Variants in WIPF3 observed in about 807,000 individuals in gnomAD.
WIPF3 encodes the protein WAS/WASL interacting protein family member 3.
A neutral mutation model predicts 38.9 loss-of-function variants in WIPF3; 33 were observed. The ratio of observed to expected loss-of-function variants is 0.85; its 90% CI spans 0.64 to 1.14. The LOEUF (loss-of-function observed/expected upper bound fraction) is 1.14. Among genes scored for constraint, WIPF3 ranks in the 50% most tolerant of loss-of-function variants. The pLI is 0.00. For synonymous variants in WIPF3, 324 were observed against 269.3 expected, an observed-to-expected ratio of 1.20 and a Z score of -1.99; for missense variants, 711 against 652.5, an observed-to-expected ratio of 1.09 and a Z score of -0.98.
chr7:29,899,361 T>C (rs1431220900), intron 7 of WIPF3, among the ~76,000 whole-genome samples: 2 of 152,252 alleles, frequency 1.3e-5, no homozygotes, highest in African/African-American at 4.8e-5. Context: ...CTTTTTATTC[T>C]CTTTACACTG....
At position 29,892,143 on chromosome 7, in the gene WIPF3, G is replaced by T. The variant is rs139353103; in HGVS notation, c.1351+2736G>T. Among the ~76,000 whole-genome samples the T allele has an allele frequency of 1.2e-4, 18 of 152,318 alleles. No homozygotes were observed. In the East Asian group the frequency reaches 3.5e-3, roughly 29 times the overall value. On this transcript the variant is annotated intron_variant, in intron 7 of 8. Coordinates refer to ENST00000242140, the MANE Select transcript of WIPF3 (RefSeq NM_001080529.3). ...AGGACACAGCTTAGGTTCCCCAACA[G>T]CAGGCCTCCTAATACTGCCCCAGAA...
At chr7:29,863,672 C>T (rs1329341968) in intron 2 of WIPF3, among the ~76,000 whole-genome samples, 1 of 152,204 alleles carries the variant, frequency 6.6e-6, no homozygotes, top group Non-Finnish European at 1.5e-5. Context: ...GAACTGACAT[C>T]TTTCCTATGT....
chr7:29,909,738 A>T (rs1445130089), intron 8 of WIPF3, among the ~76,000 whole-genome samples: 1 of 152,032 alleles, frequency 6.6e-6, no homozygotes, highest in African/African-American at 2.4e-5. Flanking sequence ...CTACAAAAAA[A>T]TTTTTAAATT....
intron 6 of WIPF3, 74 bp from the exon 7 acceptor site, chr7:29,889,232 G>T: frequency 1.6e-6 from 2 of 1,260,660 alleles, no homozygotes; most frequent in South Asian, 1.3e-5. Context: ...AGTAATCTCT[G>T]TGCTCCTGGA....
chr7:29,877,965 A>AT (rs970911721), intron 3 of WIPF3, among the ~76,000 whole-genome samples: 1 of 152,212 alleles, frequency 6.6e-6, no homozygotes, highest in African/African-American at 2.4e-5. Context: ...TTTTGCTATG[A>AT]TGTGCGTGAT....
chr7:29,840,632 A>G (rs58744682), intron 2 of WIPF3, among the ~76,000 whole-genome samples: 3,877 of 152,294 alleles, frequency 0.025, 142 homozygotes, highest in African/African-American at 0.08. Context: ...GACTCTAAAC[A>G]TCTATGTTGT....
chr7:29,868,794 T>C (rs895743720), intron 2 of WIPF3, among the ~76,000 whole-genome samples: 3 of 152,094 alleles, frequency 2.0e-5, no homozygotes, highest in Admixed American at 6.5e-5. Flanking sequence ...ACTCAGTGAA[T>C]CCTGTAGGCA....
rs149518869 is a variant in WIPF3, at chr7:29,838,654, T to C, written c.90+3840T>C. Among the ~76,000 whole-genome samples the C allele has an allele frequency of 5.3e-5, 8 of 152,248 alleles. No individual in the cohort carries two copies. The East Asian group carries it at 1.4e-3, about 26-fold the overall frequency. ...CATACACTGCTGGTGGGAGTGTAAA[T>C]TGATATAAACCCTTTGGAAAACCGT... On this transcript the variant is annotated intron_variant, in intron 2 of 8. Transcript: ENST00000242140.
rs1784774418 is a variant in WIPF3, at chr7:29,834,823, T to C, written c.90+9T>C. ...CACCATCAGCACCCCCGGTAAGACC[T>C]TTTTTTCTGATTGGTTTACTGTGGA... On this transcript the variant is annotated intron_variant, in intron 2 of 8. Coordinates refer to ENST00000242140, the MANE Select transcript of WIPF3 (RefSeq NM_001080529.3). 3.1e-6 allele frequency: 4 copies of C among 1,290,334 alleles called. No individual in the cohort carries two copies. The highest frequency in any genetic ancestry group is 4.0e-6 in the Non-Finnish European group (4 of 990,690). The allele number at this position is 1,290,334 out of a possible 1,614,324, so 79.9% of individuals were successfully genotyped here.
intron 2 of WIPF3, among the ~76,000 whole-genome samples, chr7:29,857,947 G>A (rs1267345444): frequency 6.6e-6 from 1 of 152,032 alleles, no homozygotes; most frequent in Non-Finnish European, 1.5e-5. Flanking sequence ...TTTCATGGTT[G>A]TTGCAGCATG....
rs149882853 is a variant in WIPF3, at chr7:29,842,040, G to A, written c.90+7226G>A. 3.6e-3 allele frequency among the ~76,000 whole-genome samples: 549 copies of A among 152,320 alleles called. 2 individuals carry two copies. The highest frequency in any genetic ancestry group is 0.012 in the African/African-American group (504 of 41,566). ...CAAGATGAGCAAAGAAGCCCCTCGGGGGCCTGTGATTTCGGTTTTCTTGCC... is the reference window on the plus strand; with the variant it reads ...CAAGATGAGCAAAGAAGCCCCTCGGAGGCCTGTGATTTCGGTTTTCTTGCC... On this transcript the variant is annotated intron_variant, in intron 2 of 8. Transcript: ENST00000242140.
intron 7 of WIPF3, among the ~76,000 whole-genome samples, chr7:29,896,204 G>A (rs2128078954): frequency 6.6e-6 from 1 of 151,080 alleles, no homozygotes; most frequent in South Asian, 2.1e-4. Context: ...AGCTGCTGGG[G>A]AGGCTCAGGC....
intron 7 of WIPF3, among the ~76,000 whole-genome samples, chr7:29,890,469 T>C (rs769806161): frequency 1.3e-5 from 2 of 150,668 alleles, no homozygotes; most frequent in African/African-American, 4.9e-5. Flanking sequence ...CATTATAGAG[T>C]GAGTGTCAAA....
chr7:29,827,002 G>A (rs1249595553), intron 1 of WIPF3, among the ~76,000 whole-genome samples: 4 of 152,094 alleles, frequency 2.6e-5, no homozygotes, highest in African/African-American at 9.7e-5. Context: ...TATCTCATTG[G>A]GGTGTCATGG....
chr7:29,893,236 G>A (rs541606881), intron 7 of WIPF3, among the ~76,000 whole-genome samples: 1 of 152,218 alleles, frequency 6.6e-6, no homozygotes, highest in Admixed American at 6.5e-5. Context: ...CACCAAGAAG[G>A]AACTGGAGGT....
rs142715948 is a variant in WIPF3 at position 29,847,845 on chromosome 7, C to G, written c.90+13031C>G. ...GAAAAGGGGCTCTGGTTTCTATGAC[C>G]CTCCTTGGGGAAGAGGGGTTCTAGT... On this transcript the variant is annotated intron_variant, in intron 2 of 8. Coordinates refer to ENST00000242140, the MANE Select transcript of WIPF3 (RefSeq NM_001080529.3). Among the ~76,000 whole-genome samples, 453 of 152,224 alleles carry G rather than the reference C, an allele frequency of 3.0e-3. 6 individuals are homozygous for G. The highest frequency in any genetic ancestry group is 0.01 in the African/African-American group (433 of 41,524).
At chr7:29,843,771 C>T (rs1168898681) in intron 2 of WIPF3, among the ~76,000 whole-genome samples, 1 of 152,128 alleles carries the variant, frequency 6.6e-6, no homozygotes, top group East Asian at 1.9e-4. Context: ...CCAAACTGTT[C>T]TTTCCTTCTT....
intron 2 of WIPF3, among the ~76,000 whole-genome samples, chr7:29,840,212 C>T (rs1784892110): frequency 6.6e-6 from 1 of 152,172 alleles, no homozygotes; most frequent in South Asian, 2.1e-4. Flanking sequence ...CGAGAACTTC[C>T]TGGACCCTGT....
chr7:29,913,537 T>TA (rs1786545496), intron 8 of WIPF3, among the ~76,000 whole-genome samples: 2 of 152,252 alleles, frequency 1.3e-5, no homozygotes, highest in South Asian at 4.1e-4. Flanking sequence ...ACCAGGAAAA[T>TA]ATAGTAATAA....
Sources: allele counts gnomAD v4.1 joint callset (sites outside exome capture counted in the v4.1 genomes callset), GRCh38; gene constraint gnomAD v4.1.1; transcripts MANE v1.5; gene names NCBI Gene and HGNC (gene_info 2026-07-23, HGNC 2026-07-21).